LHPP: variants seen among roughly 807,000 people sequenced by gnomAD.
LHPP encodes the protein phospholysine phosphohistidine inorganic pyrophosphate phosphatase, also known as hLHPP.
Under a neutral mutation model 30.3 loss-of-function variants are expected in LHPP, and 24 were observed. The observed-to-expected ratio is 0.79, with a 90% CI of 0.57 to 1.11. The LOEUF is 1.11. Ranked by LOEUF, LHPP falls within the 50% of genes most tolerant of loss-of-function variation. The pLI, the probability that LHPP is intolerant of heterozygous loss-of-function variation, is 0.00. For synonymous variants in LHPP, 150 were observed against 157.1 expected (o/e 0.95, Z 0.34); for missense variants, 356 against 367.2 (o/e 0.97, Z 0.25).
At position 124,484,469 on chromosome 10, in the gene LHPP, C is replaced by T. The variant is rs1953254691; in HGVS notation, c.313+143C>T. ...ACTCATGGGTTGGGGGTAAAAACCT[C>T]ATGGGACTTCCTGCTGGGGGCTGGG... is the stretch of plus-strand genomic sequence containing the variant. On this transcript the variant is annotated intron_variant, in intron 2 of 6. Transcript: ENST00000368842. The T allele has an allele frequency of 1.2e-5, 9 of 771,136 alleles. No individual in the cohort carries two copies. In the Admixed American group the frequency reaches 2.3e-4, roughly 19 times the overall value. The allele number at this position is 771,136 out of a possible 1,614,324, so 47.8% of individuals were successfully genotyped here. A position where few individuals can be genotyped will look rare whatever the true frequency, so the allele number is the denominator to read the frequency against.
intron 6 of LHPP, among the ~76,000 whole-genome samples, chr10:124,519,258 A>G (rs1275864785): frequency 6.6e-6 from 1 of 152,052 alleles, no homozygotes; most frequent in South Asian, 2.1e-4. Flanking sequence ...CCAGAGAGAG[A>G]AACTCCATCA....
At chr10:124,551,720 C>T (rs956114846) in intron 6 of LHPP, among the ~76,000 whole-genome samples, 8 of 152,124 alleles carry the variant, frequency 5.3e-5, no homozygotes, top group African/African-American at 1.4e-4. Flanking sequence ...GCCGGCCCCC[C>T]GGGAAGAAGA....
intron 3 of LHPP, among the ~76,000 whole-genome samples, chr10:124,492,946 G>A (rs1229657406): frequency 6.6e-6 from 1 of 152,174 alleles, no homozygotes; most frequent in African/African-American, 2.4e-5. Context: ...CCAGCACTTT[G>A]GGAGGCTGAG....
intron 6 of LHPP, among the ~76,000 whole-genome samples, chr10:124,563,982 TGTCACCCAGGCTGGAGTGCAGTG>T (rs1488277087): frequency 6.6e-6 from 1 of 152,164 alleles, no homozygotes; most frequent in Non-Finnish European, 1.5e-5. Context: ...TGGAATGCTC[TGTCACCCAGGCTGGAGTGCAGTG>T]GTATGATCGT....
At chr10:124,497,233 TCCCATCCTTCCCATCCTCCCCATCCTC>T (rs1274688496) in intron 4 of LHPP, among the ~76,000 whole-genome samples, 4 of 135,298 alleles carry the variant, frequency 3.0e-5, no homozygotes, top group East Asian at 4.7e-4. Context: ...ATCTCTCCCT[TCCCATCCTTCCCATCCTCCCCATCCTC>T]CCCATCCTCC....
At chr10:124,591,233 C>T (rs745412448) in intron 6 of LHPP, among the ~76,000 whole-genome samples, 2 of 152,128 alleles carry the variant, frequency 1.3e-5, no homozygotes, top group Non-Finnish European at 2.9e-5. Flanking sequence ...CCTGAGCTGC[C>T]GGTGAGGGAG....
intron 6 of LHPP, among the ~76,000 whole-genome samples, chr10:124,527,422 T>C (rs1405749367): frequency 1.3e-5 from 2 of 152,226 alleles, no homozygotes; most frequent in African/African-American, 4.8e-5. Context: ...CACAGGTTCC[T>C]CTGTGTCATG....
intron 6 of LHPP, among the ~76,000 whole-genome samples, chr10:124,533,911 T>C (rs1163129853): frequency 2.0e-5 from 3 of 152,176 alleles, no homozygotes; most frequent in African/African-American, 7.2e-5. Context: ...GGCTGAGGCA[T>C]AGGGAGTGAC....
At chr10:124,503,023 C>A (rs1432051814) in intron 5 of LHPP, among the ~76,000 whole-genome samples, 1 of 151,492 alleles carries the variant, frequency 6.6e-6, no homozygotes, top group African/African-American at 2.4e-5. Flanking sequence ...TGTAAATATT[C>A]TCTTTCTGAT....
intron 6 of LHPP, among the ~76,000 whole-genome samples, chr10:124,573,513 G>A (rs1948616455): frequency 6.6e-6 from 1 of 152,174 alleles, no homozygotes; most frequent in Non-Finnish European, 1.5e-5. Context: ...GTCTCACTGT[G>A]TTGCCCAGGC....
intron 1 of LHPP, among the ~76,000 whole-genome samples, chr10:124,474,132 C>CTTTTT (rs544464876): frequency 1.7e-4 from 12 of 71,902 alleles, no homozygotes; most frequent in South Asian, 1.1e-3. Flanking sequence ...TTGCTTTGCC[C>CTTTTT]TTTTTTTTTT....
At chr10:124,504,691 G>A (rs1305661780) in intron 5 of LHPP, among the ~76,000 whole-genome samples, 2 of 152,096 alleles carry the variant, frequency 1.3e-5, no homozygotes, top group African/African-American at 2.4e-5. Context: ...AGACGAGACT[G>A]GCTGTCCAGA....
intron 6 of LHPP, chr10:124,526,309 G>A: frequency 1.2e-6 from 1 of 859,300 alleles, no homozygotes. Context: ...CACACACTCA[G>A]CCTCAGCTCG....
At chr10:124,543,728 T>C (rs1260186890) in intron 6 of LHPP, among the ~76,000 whole-genome samples, 1 of 151,710 alleles carries the variant, frequency 6.6e-6, no homozygotes, top group African/African-American at 2.4e-5. Flanking sequence ...ATCCTTCTAG[T>C]TTGTACATTT....
intron 6 of LHPP, among the ~76,000 whole-genome samples, chr10:124,600,000 G>A (rs943883662): frequency 9.9e-5 from 15 of 152,196 alleles, no homozygotes; most frequent in African/African-American, 2.4e-4. Flanking sequence ...GGGCTTTTGC[G>A]GAGTGAGGGA....
chr10:124,554,217 G>T, intron 6 of LHPP: 1 of 302,578 alleles, frequency 3.3e-6, no homozygotes, highest in Non-Finnish European at 4.9e-6. Context: ...ACAGGGTCTT[G>T]CTCTGTCACC....
At chr10:124,586,308 A>C (rs1345897003) in intron 6 of LHPP, among the ~76,000 whole-genome samples, 1 of 152,182 alleles carries the variant, frequency 6.6e-6, no homozygotes, top group African/African-American at 2.4e-5. Context: ...GTGAAGACCA[A>C]TGAGGTTAGT....
rs769668663 is a variant in LHPP at position 124,517,275 on chromosome 10, A to G, written c.716+4A>G. On this transcript the variant is annotated splice_donor_region_variant and intron_variant, in intron 6 of 6. Transcript: ENST00000368842. This position sits in a 1 kb window ranked among gnomAD's most constrained non-coding sequence, Gnocchi z 4.1. ...AGGTGCGCACCGGGAAGTTCAGGTC[A>G]GTGCCAGCTGGAGTCATTTATTCAC... 1.9e-6 allele frequency: 3 copies of G among 1,574,544 alleles called. No homozygotes were observed. The highest frequency in any genetic ancestry group is 1.2e-5 in the South Asian group (1 of 85,422).
chr10:124,612,305 C>T (rs1007991347), intron 6 of LHPP, among the ~76,000 whole-genome samples: 1 of 152,030 alleles, frequency 6.6e-6, no homozygotes, highest in South Asian at 2.1e-4. Context: ...ACTCAAGAGC[C>T]GAGGCAGGAG....
Sources: allele counts gnomAD v4.1 joint callset (sites outside exome capture counted in the v4.1 genomes callset), GRCh38; gene constraint gnomAD v4.1.1; non-coding constraint Gnocchi (gnomAD v3.1); transcripts MANE v1.5; gene names NCBI Gene and HGNC (gene_info 2026-07-23, HGNC 2026-07-21).